The following DNAH2 variants were observed in gnomAD, a reference collection of about 807,000 sequenced individuals.
DNAH2 encodes axonemal beta dynein heavy chain 2.
A neutral mutation model predicts 523.5 loss-of-function variants in DNAH2; 323 were observed. The observed-to-expected ratio is 0.62, with a 90% CI of 0.56 to 0.68. The LOEUF (loss-of-function observed/expected upper bound fraction) is 0.68, where lower values mean the gene tolerates loss of function less well. Among genes scored for constraint, DNAH2 ranks in the 30% least tolerant of loss-of-function variants. The pLI is 0.00. For synonymous variants in DNAH2, 2,093 were observed against 2,177.4 expected, an observed-to-expected ratio of 0.96 and a Z score of 1.08; for missense variants, 4,907 against 5,701.5, an observed-to-expected ratio of 0.86 and a Z score of 4.49.
At position 7,779,442 on chromosome 17, in the gene DNAH2, A is replaced by G. The variant is rs1481932937; in HGVS notation, c.5722+19A>G. ...AATCCTGGTAGGTGGCAGGGAGTGG[A>G]TGGGACTCCTGGGGTGGGAAGAACT... On this transcript the variant is annotated intron_variant, in intron 36 of 85. Coordinates refer to ENST00000572933, the MANE Select transcript of DNAH2 (RefSeq NM_020877.5). The G allele has an allele frequency of 6.2e-7, 1 of 1,610,320 alleles. No homozygotes were observed. The highest frequency in any genetic ancestry group is 1.1e-5 in the South Asian group (1 of 90,522).
chr17:7,774,054 C>T (rs1449560601), intron 28 of DNAH2, among the ~76,000 whole-genome samples: 1 of 152,062 alleles, frequency 6.6e-6, no homozygotes, highest in Non-Finnish European at 1.5e-5. Flanking sequence ...TACTGTAGAT[C>T]TCAGCAAACT....
Position 7,740,687 on chromosome 17 carries a change from C to T in DNAH2, c.1507-123C>T, listed in dbSNP as rs1163464213. 4.6e-6 allele frequency: 7 copies of T among 1,530,816 alleles called. No individual in the cohort carries two copies. The Admixed American group carries it at 7.7e-5, about 17-fold the overall frequency. 94.8% of individuals were successfully genotyped at this position (1,530,816 alleles called of 1,614,324 possible). ...GGCGCCTCTTGTCTTTCTTCTGTTC[C>T]CTGGCTTCGGCGTCCCCGGGAGTGT... On this transcript the variant is annotated intron_variant, in intron 10 of 85. Transcript: ENST00000572933.
intron 18 of DNAH2, among the ~76,000 whole-genome samples, chr17:7,762,589 C>T (rs2151201618): frequency 6.6e-6 from 1 of 152,198 alleles, no homozygotes; most frequent in South Asian, 2.1e-4. Flanking sequence ...CTGCCTTGGC[C>T]TCCCAAAGTG....
chr17:7,725,672 G>A (rs1348645484), intron 3 of DNAH2, among the ~76,000 whole-genome samples: 1 of 147,190 alleles, frequency 6.8e-6, no homozygotes, highest in Non-Finnish European at 1.5e-5. Flanking sequence ...CTGACCCTGT[G>A]ATTCGCCCCC....
intron 18 of DNAH2, among the ~76,000 whole-genome samples, chr17:7,762,152 A>C (rs1259342510): frequency 6.6e-6 from 1 of 152,080 alleles, no homozygotes; most frequent in Non-Finnish European, 1.5e-5. Context: ...AAGATACATG[A>C]AGGCACTTTG....
At chr17:7,755,167 C>T (rs2075802895) in intron 12 of DNAH2, among the ~76,000 whole-genome samples, 1 of 152,080 alleles carries the variant, frequency 6.6e-6, no homozygotes, top group African/African-American at 2.4e-5. Context: ...GCAGAGAGGG[C>T]AACAGGGCAA....
At chr17:7,793,252 A>T (rs2076949336) in intron 48 of DNAH2, 47 bp downstream of exon 48, 3 of 1,585,684 alleles carry the variant, frequency 1.9e-6, no homozygotes, top group African/African-American at 2.7e-5. Context: ...TCCTTCTGGG[A>T]TAGGCTCAGT....
At chr17:7,818,265 G>T (rs755512938) in intron 68 of DNAH2, 47 bp from the exon 69 acceptor site, 22 of 1,609,342 alleles carry the variant, frequency 1.4e-5, no homozygotes, top group Non-Finnish European at 1.9e-5. Flanking sequence ...GGGTTAGCTG[G>T]TACCCATCAC....
intron 44 of DNAH2, among the ~76,000 whole-genome samples, chr17:7,790,062 G>T (rs554962349): frequency 3.3e-5 from 5 of 152,310 alleles, no homozygotes; most frequent in African/African-American, 9.6e-5. Context: ...TGGTTTGAAG[G>T]ATGCCGAGTT....
intron 18 of DNAH2, among the ~76,000 whole-genome samples, chr17:7,761,729 C>T (rs979397052): frequency 1.4e-4 from 21 of 152,132 alleles, no homozygotes; most frequent in Admixed American, 1.1e-3. Context: ...AAGTCATCCA[C>T]CCACCTTAGC....
At chr17:7,735,599 C>T (rs547536263) in intron 7 of DNAH2, among the ~76,000 whole-genome samples, 5 of 151,348 alleles carry the variant, frequency 3.3e-5, no homozygotes, top group Admixed American at 6.6e-5. Context: ...CCAGCATGCC[C>T]GGCTAACTGT....
intron 4 of DNAH2, among the ~76,000 whole-genome samples, chr17:7,728,575 TA>T (rs1290881997): frequency 6.6e-6 from 1 of 152,200 alleles, no homozygotes; most frequent in Non-Finnish European, 1.5e-5. Flanking sequence ...CATTTTAATA[TA>T]AAAGTATGAT....
chr17:7,826,287 T>TGGGATTACA (rs2078015784), intron 77 of DNAH2, among the ~76,000 whole-genome samples: 1 of 152,098 alleles, frequency 6.6e-6, no homozygotes, highest in East Asian at 1.9e-4. Flanking sequence ...CCCAAAGTGC[T>TGGGATTACA]GGGATTACAG....
At position 7,796,649 on chromosome 17, in the gene DNAH2, C is replaced by T. The variant is rs760646611; in HGVS notation, c.7860C>T (p.Ser2620=). ...ACCTCTTCAACCTTCGAGACATCTC[C>T]AAGGTGACTCGCGGCCTGACCTTGC... ...MHYLFNLRDI[S]KVFQGMLRAN... The change falls in exon 50 of 86, where the codon TCC becomes TCT. Residue 2620 remains serine, a synonymous_variant. Coordinates refer to ENST00000572933, the MANE Select transcript of DNAH2 (RefSeq NM_020877.5). 6.2e-7 allele frequency: 1 copy of T among 1,610,372 alleles called. No individual in the cohort carries two copies. Among genetic ancestry groups the T allele is most frequent in the South Asian group, 1.1e-5 (1 of 90,832 alleles).
At chr17:7,729,966 C>T (rs565229162) in intron 4 of DNAH2, among the ~76,000 whole-genome samples, 38 of 152,056 alleles carry the variant, frequency 2.5e-4, no homozygotes, top group Non-Finnish European at 4.4e-4. Flanking sequence ...TGCCCAAGCA[C>T]GAGCAAAATG....
At chr17:7,817,925 A>T in intron 67 of DNAH2, 21 bp from the exon 68 acceptor site, 1 of 1,612,590 alleles carries the variant, frequency 6.2e-7, no homozygotes, top group Non-Finnish European at 8.5e-7. Flanking sequence ...GTGTTCCTTC[A>T]CCTTCCCCCT....
At chr17:7,790,169 G>A (rs964049684) in intron 44 of DNAH2, among the ~76,000 whole-genome samples, 4 of 152,190 alleles carry the variant, frequency 2.6e-5, no homozygotes, top group Non-Finnish European at 5.9e-5. Context: ...CGTGCCCTCT[G>A]GGCAGGGGGT....
intron 28 of DNAH2, among the ~76,000 whole-genome samples, chr17:7,771,822 T>G (rs959264155): frequency 2.0e-5 from 3 of 152,096 alleles, no homozygotes; most frequent in African/African-American, 7.2e-5. Flanking sequence ...GTTCAAATGA[T>G]TCTCCTGCTT....
intron 58 of DNAH2, 102 bp downstream of exon 58, chr17:7,802,119 C>T (rs992340686): frequency 1.4e-6 from 2 of 1,477,064 alleles, no homozygotes; most frequent in African/African-American, 1.4e-5. Flanking sequence ...ACACAAAGGC[C>T]ACAGTTCTGC....
Sources: gnomAD v4.1 joint callset for allele counts (sites outside exome capture counted in the v4.1 genomes callset) on GRCh38, gnomAD v4.1.1 for gene constraint, MANE v1.5 for transcripts, NCBI Gene and HGNC (gene_info 2026-07-23, HGNC 2026-07-21) for gene names.